Variants in INSYN2B observed in about 807,000 individuals in gnomAD.
INSYN2B encodes the protein protein INSYN2B.
INSYN2B carries 16 observed loss-of-function variants against 41.2 expected under a neutral mutation model. That is an observed-to-expected ratio of 0.39 (90% CI 0.26 to 0.59). INSYN2B has a LOEUF of 0.59. Among genes scored for constraint, INSYN2B ranks in the 20% least tolerant of loss-of-function variants. The probability of loss-of-function intolerance (pLI) is 0.57; values close to 1 mark genes in which losing one functional copy is unlikely to be tolerated. For synonymous variants in INSYN2B, 245 were observed against 244.4 expected, an observed-to-expected ratio of 1.00 and a Z score of -0.02; for missense variants, 608 against 646.4, an observed-to-expected ratio of 0.94 and a Z score of 0.64.
rs562285656 is a variant in INSYN2B at position 169,948,210 on chromosome 5, C to A, written c.-919+32067G>T. ...AGTTATTTGTCTGCTGTGACCTAGG[C>A]TCTGAAGATACTGTGGGGAACAGTG... On this transcript the variant is annotated intron_variant, in intron 1 of 3. Coordinates refer to ENST00000377365, the MANE Select transcript of INSYN2B (RefSeq NM_001129891.3). Among the ~76,000 whole-genome samples the A allele has an allele frequency of 5.5e-4, 83 of 152,254 alleles. No individual in the cohort carries two copies. The Middle Eastern group carries it at 0.02, about 37-fold the overall frequency.
intron 3 of INSYN2B, among the ~76,000 whole-genome samples, chr5:169,874,936 C>T (rs1253646869): frequency 6.6e-6 from 1 of 152,104 alleles, no homozygotes; most frequent in East Asian, 1.9e-4. Flanking sequence ...ATCCTCTCCT[C>T]TCTCTTCCTT....
chr5:169,899,776 A>T (rs145310188), intron 1 of INSYN2B, among the ~76,000 whole-genome samples: 2 of 152,150 alleles, frequency 1.3e-5, no homozygotes, highest in Admixed American at 6.5e-5. Context: ...AATTTCCCCA[A>T]TGTGTTCACA....
chr5:169,930,820 T>G (rs966249893), intron 1 of INSYN2B, among the ~76,000 whole-genome samples: 2 of 152,234 alleles, frequency 1.3e-5, no homozygotes, highest in African/African-American at 4.8e-5. Flanking sequence ...TCTTTTCTTA[T>G]GCTTTCAGCT....
chr5:169,967,774 GC>G, intron 1 of INSYN2B, among the ~76,000 whole-genome samples: 1 of 152,284 alleles, frequency 6.6e-6, no homozygotes. Context: ...GTCAATCAGT[GC>G]AGTAAGAGTG....
chr5:169,953,870 T>A (rs947666550), intron 1 of INSYN2B, among the ~76,000 whole-genome samples: 3 of 152,238 alleles, frequency 2.0e-5, no homozygotes, highest in Non-Finnish European at 2.9e-5. Flanking sequence ...ACTTACTTGT[T>A]CCGAGTTAGT....
chr5:169,867,031 C>T (rs552889812), intron 3 of INSYN2B, among the ~76,000 whole-genome samples: 1 of 152,334 alleles, frequency 6.6e-6, no homozygotes, highest in South Asian at 2.1e-4. Flanking sequence ...AGTTGGGGTT[C>T]CCAAAACCCC....
intron 1 of INSYN2B, among the ~76,000 whole-genome samples, chr5:169,956,204 T>C (rs891449466): frequency 2.6e-5 from 4 of 152,250 alleles, no homozygotes; most frequent in African/African-American, 9.6e-5. Flanking sequence ...AGATTCATCC[T>C]GGTTGAGCAA....
At chr5:169,892,603 T>G (rs1042894065) in intron 1 of INSYN2B, among the ~76,000 whole-genome samples, 1 of 152,134 alleles carries the variant, frequency 6.6e-6, no homozygotes, top group Admixed American at 6.5e-5. Flanking sequence ...CTAATGCTAT[T>G]TTTTTCTACC....
intron 1 of INSYN2B, among the ~76,000 whole-genome samples, chr5:169,923,017 C>T (rs891614850): frequency 1.3e-5 from 2 of 152,140 alleles, no homozygotes; most frequent in East Asian, 1.9e-4. Context: ...ATAATTTTAC[C>T]GTATTTCACA....
At chr5:169,921,199 G>A (rs1436722608) in intron 1 of INSYN2B, among the ~76,000 whole-genome samples, 6 of 152,140 alleles carry the variant, frequency 3.9e-5, no homozygotes, top group Non-Finnish European at 8.8e-5. Context: ...AGAAAATTGT[G>A]TTTGTGTTTG....
At chr5:169,876,128 C>T (rs1390690781) in intron 3 of INSYN2B, among the ~76,000 whole-genome samples, 1 of 152,176 alleles carries the variant, frequency 6.6e-6, no homozygotes, top group Non-Finnish European at 1.5e-5. Context: ...TCTGGCGTCA[C>T]ATCTCCTTCT....
intron 1 of INSYN2B, among the ~76,000 whole-genome samples, chr5:169,885,577 C>T (rs910934624): frequency 6.6e-6 from 1 of 152,202 alleles, no homozygotes; most frequent in African/African-American, 2.4e-5. Flanking sequence ...TGAGGAACAA[C>T]TACCTCATAA....
chr5:169,957,402 GCA>G lies in INSYN2B; in HGVS notation c.-919+22873_-919+22874del, dbSNP rs1581470515. 2.0e-5 allele frequency among the ~76,000 whole-genome samples: 3 copies of G among 152,250 alleles called. No homozygotes were observed. In the East Asian group the frequency reaches 5.8e-4, roughly 29 times the overall value. On this transcript the variant is annotated intron_variant, in intron 1 of 3. Coordinates refer to ENST00000377365, the MANE Select transcript of INSYN2B (RefSeq NM_001129891.3). Reference sequence around the variant, plus strand: ...TAGCACATTGTTTAGAACGTAATAGGCACTCAACCAATGTTAGCTTAGTACTA... The same window carrying G: ...TAGCACATTGTTTAGAACGTAATAGGCTCAACCAATGTTAGCTTAGTACTA...
At chr5:169,931,894 C>A (rs923868528) in intron 1 of INSYN2B, among the ~76,000 whole-genome samples, 3 of 152,192 alleles carry the variant, frequency 2.0e-5, no homozygotes, top group African/African-American at 7.2e-5. Flanking sequence ...CCTCTTTCTT[C>A]ACTGTGGGTC....
chr5:169,892,908 T>C (rs1413116177), intron 1 of INSYN2B, among the ~76,000 whole-genome samples: 1 of 152,004 alleles, frequency 6.6e-6, no homozygotes, highest in South Asian at 2.1e-4. Context: ...TTCCCCTTCT[T>C]CTCTTCTGTT....
At position 169,873,833 on chromosome 5, in the gene INSYN2B, A is replaced by G. The variant is rs186384215; in HGVS notation, c.1421+7535T>C. ...GCACTCTCAGACCTCCAACCGTGTG[A>G]CCTCAAGCGGCTCACACAGCTCTCT... On this transcript the variant is annotated intron_variant, in intron 3 of 3. Coordinates refer to ENST00000377365, the MANE Select transcript of INSYN2B (RefSeq NM_001129891.3). Among the ~76,000 whole-genome samples, 666 of 152,244 alleles carry G rather than the reference A, an allele frequency of 4.4e-3. 7 individuals carry two copies. The highest frequency in any genetic ancestry group is 0.015 in the African/African-American group (624 of 41,554).
chr5:169,898,541 A>G (rs1773743370), intron 1 of INSYN2B, among the ~76,000 whole-genome samples: 1 of 95,834 alleles, frequency 1.0e-5, no homozygotes, highest in Non-Finnish European at 1.9e-5. Context: ...CAACAACAAC[A>G]ACAACAACAA....
At chr5:169,973,691 A>AG (rs1336841571) in intron 1 of INSYN2B, among the ~76,000 whole-genome samples, 1 of 152,226 alleles carries the variant, frequency 6.6e-6, no homozygotes, top group Non-Finnish European at 1.5e-5. Flanking sequence ...TACCTCATAC[A>AG]GAACCCTTCT....
At chr5:169,952,817 G>C (rs1175450720) in intron 1 of INSYN2B, among the ~76,000 whole-genome samples, 1 of 152,080 alleles carries the variant, frequency 6.6e-6, no homozygotes, top group African/African-American at 2.4e-5. Context: ...GAAGCCACCA[G>C]AATACATAAG....
Sources: allele counts gnomAD v4.1 joint callset (sites outside exome capture counted in the v4.1 genomes callset), GRCh38; gene constraint gnomAD v4.1.1; transcripts MANE v1.5; gene names NCBI Gene and HGNC (gene_info 2026-07-23, HGNC 2026-07-21).